SELE: variants seen among roughly 807,000 people sequenced by gnomAD.
SELE encodes the protein selectin E.
In SELE, 52 loss-of-function variants were observed where a neutral mutation model predicts 75.8. The ratio of observed to expected loss-of-function variants is 0.69; its 90% CI spans 0.55 to 0.86. The LOEUF (loss-of-function observed/expected upper bound fraction) is 0.86, where lower values mean the gene tolerates loss of function less well. Among genes scored for constraint, SELE ranks in the 40% least tolerant of loss-of-function variants. The pLI, the probability that SELE is intolerant of heterozygous loss-of-function variation, is 0.00. For synonymous variants in SELE, 285 were observed against 258.7 expected (o/e 1.10, Z -0.98); for missense variants, 754 against 732.7 (o/e 1.03, Z -0.34).
intron 6 of SELE, 33 bp downstream of exon 6, chr1:169,729,455 T>A: frequency 6.2e-7 from 1 of 1,610,548 alleles, no homozygotes; most frequent in African/African-American, 1.3e-5. Context: ...AGAAAGAATG[T>A]TCACAGTAAG....
At chr1:169,732,424 G>A (rs181271659) in intron 3 of SELE, among the ~76,000 whole-genome samples, 191 bp downstream of exon 3, 23 of 146,142 alleles carry the variant, frequency 1.6e-4, no homozygotes, top group African/African-American at 3.6e-4. Context: ...GTGTGTGTGT[G>A]TATATATATA....
intron 13 of SELE, 29 bp downstream of exon 13, chr1:169,725,700 C>G: frequency 6.3e-7 from 1 of 1,582,660 alleles, no homozygotes; most frequent in Non-Finnish European, 8.7e-7. Context: ...ATACCTCTCT[C>G]ATAACCATTT....
chr1:169,727,849 T>C lies in SELE; in HGVS notation c.1358A>G (p.Tyr453Cys), dbSNP rs768704102. 2 of 1,614,062 alleles carry C rather than the reference T, an allele frequency of 1.2e-6. No homozygotes were observed. Among genetic ancestry groups the C allele is most frequent in the African/African-American group, 2.7e-5 (2 of 74,926 alleles). ...CAHSPIGEFT[Y>C]KSSCAFSCEE... ...ACAGCTGAAGGCACAAGAGGACTTG[T>C]AGGTGAATTCTCCAATAGGGGAATG... Residue 453 changes from tyrosine to cysteine, a missense_variant, in exon 9 of 14, where the codon TAC becomes TGC. Tyr to Cys is a radical substitution (Grantham distance 194, BLOSUM62 -2). Transcript: ENST00000333360.
In SELE at chr1:169,729,358, G is replaced by C; in HGVS notation, c.918C>G (p.Ala306=). ...CAGAGCCATTCTGAGGCTGGCGGAC[G>C]GCCCTGCATGTCACAGCTGTAACAA... ...KPTCKAVTCR[A]VRQPQNGSVR... is the part of the protein sequence containing the mutation. Residue 306 remains alanine (A), a synonymous_variant, in exon 7 of 14, where the codon GCC becomes GCG. Transcript: ENST00000333360. 6.2e-7 allele frequency: 1 copy of C among 1,613,788 alleles called. No individual in the cohort carries two copies. Among genetic ancestry groups the C allele is most frequent in the Non-Finnish European group, 8.5e-7 (1 of 1,179,864 alleles).
At chr1:169,733,469 G>T in intron 2 of SELE, 107 bp downstream of exon 2, 1 of 1,112,972 alleles carries the variant, frequency 9.0e-7, no homozygotes, top group Non-Finnish European at 1.4e-6. Flanking sequence ...GGTCAAGGAT[G>T]CTGCCAGATA....
chr1:169,730,648 A>C, intron 4 of SELE, 31 bp from the exon 5 acceptor site: 2 of 1,473,060 alleles, frequency 1.4e-6, no homozygotes, highest in South Asian at 2.8e-5. Context: ...AGTTCTGCTC[A>C]TCTCTCACCT....
intron 7 of SELE, among the ~76,000 whole-genome samples, 161 bp downstream of exon 7, chr1:169,729,025 T>A (rs923494145): frequency 5.9e-5 from 9 of 152,112 alleles, no homozygotes; most frequent in Admixed American, 2.0e-4. Flanking sequence ...ATCCTTTCCC[T>A]GGCCAAACAT....
chr1:169,729,045 T>A, intron 7 of SELE, 141 bp downstream of exon 7: 1 of 710,290 alleles, frequency 1.4e-6, no homozygotes. Context: ...TTAGTTCTTT[T>A]AAATGAATCT....
At chr1:169,727,984 C>T (rs1648818159) in intron 8 of SELE, 57 bp from the exon 9 acceptor site, 1 of 1,588,402 alleles carries the variant, frequency 6.3e-7, no homozygotes. Context: ...CAATACGTTT[C>T]CCAAGGTAAC....
Position 169,727,931 on chromosome 1 carries a change from G to C in SELE, c.1280-4C>G. 1.2e-6 allele frequency: 2 copies of C among 1,611,914 alleles called. No individual in the cohort carries two copies. The highest frequency in any genetic ancestry group is 2.2e-5 in the East Asian group (1 of 44,842). Reference sequence around the variant, plus strand: ...TGGACAGCATCGCATCTCACAGCTGGAACACACGAGAGAGCACTTTAGAAG... The same window carrying C: ...TGGACAGCATCGCATCTCACAGCTGCAACACACGAGAGAGCACTTTAGAAG... On this transcript the variant is annotated splice_region_variant and splice_polypyrimidine_tract_variant and intron_variant, in intron 8 of 13. Coordinates refer to ENST00000333360, the MANE Select transcript of SELE (RefSeq NM_000450.2).
At chr1:169,725,676 A>C in intron 13 of SELE, 53 bp downstream of exon 13, 1 of 1,459,370 alleles carries the variant, frequency 6.9e-7, no homozygotes, top group South Asian at 1.2e-5. Context: ...GGAGAAACAG[A>C]GCATGTAGAG....
At chr1:169,724,586 A>C (rs117996857) in intron 13 of SELE, 77 bp from the exon 14 acceptor site, 1 of 152,362 alleles carries the variant, frequency 6.6e-6, no homozygotes, top group East Asian at 1.9e-4. Flanking sequence ...TGTACCTTCT[A>C]ACACAGACAC....
Position 169,723,569 on chromosome 1 carries a change from A to G in SELE, c.*956T>C, listed in dbSNP as rs1011002547. 1.3e-5 allele frequency: 2 copies of G among 152,260 alleles called. No individual in the cohort carries two copies. The highest frequency in any genetic ancestry group is 4.8e-5 in the African/African-American group (2 of 41,478). The allele number at this position is 152,260 out of a possible 1,614,324, so 9.4% of individuals were successfully genotyped here. On this transcript the variant is annotated 3_prime_UTR_variant, in exon 14 of 14. Coordinates refer to ENST00000333360, the MANE Select transcript of SELE (RefSeq NM_000450.2). ...TTTCTGAAAAAATATCTGACAATAT[A>G]CAAACCTTCCATTCAGTTTTTACTC...
In SELE at chr1:169,730,509, C is replaced by T. The variant is rs202228237; in HGVS notation, c.638G>A (p.Gly213Asp). 4.2e-5 allele frequency: 68 copies of T among 1,613,946 alleles called. No homozygotes were observed. In the East Asian group the frequency reaches 8.7e-4, roughly 21 times the overall value. ...GGTCTCCATGCTGCTTGGCAGGTAA[C>T]CCCTATCACAGCTGATAGAGCAGGA... ...NSSCSISCDR[G>D]YLPSSMETMQ... Residue 213 changes from glycine (G) to aspartate (D), a missense_variant, in exon 5 of 14, where the codon GGT becomes GAT. Gly to Asp is a moderately conservative substitution (Grantham distance 94). Transcript: ENST00000333360.
chr1:169,729,423 C>T, intron 6 of SELE, 49 bp from the exon 7 acceptor site: 2 of 1,608,094 alleles, frequency 1.2e-6, no homozygotes, highest in Non-Finnish European at 8.5e-7. Flanking sequence ...AATTAGCTTG[C>T]CCATTTCCAG....
At chr1:169,733,401 G>C (rs1648967773) in intron 2 of SELE, among the ~76,000 whole-genome samples, 175 bp downstream of exon 2, 1 of 152,198 alleles carries the variant, frequency 6.6e-6, no homozygotes, top group South Asian at 2.1e-4. Context: ...AGGAAAGGGA[G>C]ACACCAAGAG....
chr1:169,725,831 G>A, intron 12 of SELE, 30 bp from the exon 13 acceptor site: 2 of 1,613,734 alleles, frequency 1.2e-6, no homozygotes, highest in Non-Finnish European at 1.7e-6. Flanking sequence ...ACTAGGTAAA[G>A]CACTGTCTTC....
Position 169,732,649 on chromosome 1 carries a change from C to G in SELE, c.387G>C (p.Arg129Ser), listed in dbSNP as rs1458766475. ...ATAGGGCAAGCTTCTTCTTGCTGCA[C>G]CTCTCATCATTCCACATGCCCACAT... is the stretch of plus-strand genomic sequence containing the variant. ...EKDVGMWNDE[R>S]CSKKKLALCY... Residue 129 changes from arginine (R) to serine (S), a missense_variant, in exon 3 of 14, where the codon AGG becomes AGC. Arg to Ser is a moderately radical substitution (Grantham distance 110). Transcript: ENST00000333360. 6.2e-7 allele frequency: 1 copy of G among 1,610,174 alleles called. No homozygotes were observed. Among genetic ancestry groups the G allele is most frequent in the African/African-American group, 1.3e-5 (1 of 74,750 alleles).
chr1:169,732,080 C>T, intron 3 of SELE, 138 bp from the exon 4 acceptor site: 3 of 532,210 alleles, frequency 5.6e-6, no homozygotes, highest in Non-Finnish European at 1.0e-5. Flanking sequence ...AAGTGTTTTA[C>T]AAAGTTCCAA....
Sources: gnomAD v4.1 joint callset for allele counts (sites outside exome capture counted in the v4.1 genomes callset) on GRCh38, gnomAD v4.1.1 for gene constraint, MANE v1.5 for transcripts, NCBI Gene and HGNC (gene_info 2026-07-23, HGNC 2026-07-21) for gene names.